Variants in MEF2D observed in about 807,000 individuals in gnomAD.
MEF2D encodes myocyte-specific enhancer factor 2D.
MEF2D carries 10 observed loss-of-function variants against 59.3 expected under a neutral mutation model. That is an observed-to-expected ratio of 0.17 (90% CI 0.10 to 0.29). MEF2D has a LOEUF of 0.29. Among genes scored for constraint, MEF2D ranks in the 10% least tolerant of loss-of-function variants. The pLI is 1.00. For synonymous variants in MEF2D, 305 were observed against 295.0 expected, an observed-to-expected ratio of 1.03 and a Z score of -0.35; for missense variants, 508 against 699.4, an observed-to-expected ratio of 0.73 and a Z score of 3.09.
chr1:156,499,721 G>A (rs933662787), intron 1 of MEF2D, among the ~76,000 whole-genome samples: 2 of 152,058 alleles, frequency 1.3e-5, no homozygotes, highest in Non-Finnish European at 2.9e-5. Flanking sequence ...CCCAGATGTT[G>A]AACAGCTGCA....
chr1:156,481,445 G>C (rs1161321037), intron 3 of MEF2D, among the ~76,000 whole-genome samples: 1 of 152,168 alleles, frequency 6.6e-6, no homozygotes, highest in Non-Finnish European at 1.5e-5. Flanking sequence ...AGGAGGAAGA[G>C]AGAAATAGAG....
At chr1:156,480,710 T>C (rs1671942971) in intron 4 of MEF2D, 124 bp downstream of exon 4, 1 of 1,609,376 alleles carries the variant, frequency 6.2e-7, no homozygotes, top group Non-Finnish European at 8.5e-7. Flanking sequence ...CTCTTCCGTC[T>C]GGGGGGTCAG....
chr1:156,486,199 C>T (rs991213586), intron 1 of MEF2D, among the ~76,000 whole-genome samples: 2 of 152,144 alleles, frequency 1.3e-5, no homozygotes, highest in Non-Finnish European at 2.9e-5. Flanking sequence ...CACCTGAGCC[C>T]CAAACCAGCT....
intron 4 of MEF2D, among the ~76,000 whole-genome samples, 180 bp from the exon 5 acceptor site, chr1:156,479,976 G>T (rs928920300): frequency 3.3e-5 from 5 of 152,160 alleles, no homozygotes; most frequent in Non-Finnish European, 7.4e-5. Context: ...CACCAAGGAA[G>T]AACTTTGGGG....
rs1571248757 is a variant in MEF2D at position 156,483,383 on chromosome 1, G to C, written c.-91C>G. 1 of 1,220,244 alleles carries C rather than the reference G, an allele frequency of 8.2e-7. No individual in the cohort carries two copies. The highest frequency in any genetic ancestry group is 1.2e-6 in the Non-Finnish European group (1 of 823,398). 75.6% of individuals were successfully genotyped at this position (1,220,244 alleles called of 1,614,324 possible). Reference sequence around the variant, plus strand: ...TTACACTGTGCTCATGAACGGTCTGGGAACAGTGCTCAGTTCATGGTCTGC... The same window carrying C: ...TTACACTGTGCTCATGAACGGTCTGCGAACAGTGCTCAGTTCATGGTCTGC... On this transcript the variant is annotated 5_prime_UTR_variant, in exon 2 of 12. Coordinates refer to ENST00000348159, the MANE Select transcript of MEF2D (RefSeq NM_005920.4).
At chr1:156,475,030 G>T in intron 9 of MEF2D, 78 bp downstream of exon 9, 2 of 1,604,638 alleles carry the variant, frequency 1.2e-6, no homozygotes. Context: ...CTGTCCAGGG[G>T]ATAACTAGCA....
In MEF2D at chr1:156,464,320, T is replaced by G. The variant is rs897825708; in HGVS notation, c.*3325A>C. On this transcript the variant is annotated 3_prime_UTR_variant, in exon 12 of 12. Coordinates refer to ENST00000348159, the MANE Select transcript of MEF2D (RefSeq NM_005920.4). ...TCTGTCTCTCCAAACAAATAAATAA[T>G]CAGCAAGAGAAGGTGCATTACTTCC... 3.4e-5 allele frequency: 5 copies of G among 146,484 alleles called. No homozygotes were observed. The highest frequency in any genetic ancestry group is 7.6e-5 in the Non-Finnish European group (5 of 66,106). 9.1% of individuals were successfully genotyped at this position (146,484 alleles called of 1,614,324 possible).
intron 1 of MEF2D, among the ~76,000 whole-genome samples, chr1:156,500,262 CCACTT>C (rs1341369162): frequency 6.6e-6 from 1 of 152,156 alleles, no homozygotes; most frequent in Non-Finnish European, 1.5e-5. Flanking sequence ...GCAGCCCACT[CCACTT>C]GTCCCCCACG....
At chr1:156,495,395 A>G (rs917363738) in intron 1 of MEF2D, among the ~76,000 whole-genome samples, 16 of 152,328 alleles carry the variant, frequency 1.1e-4, no homozygotes, top group African/African-American at 3.8e-4. Context: ...TTAGAGAGAA[A>G]CAGTCTTCTT....
chr1:156,472,266 T>C (rs954720913), intron 9 of MEF2D, among the ~76,000 whole-genome samples: 3 of 152,224 alleles, frequency 2.0e-5, no homozygotes, highest in African/African-American at 7.2e-5. Flanking sequence ...AAAAGCCTCA[T>C]AGACCTCCTG....
Position 156,492,000 on chromosome 1 carries a change from A to C in MEF2D, c.-139+8486T>G, listed in dbSNP as rs59745365. ...TGATACAGTATAGAGCTCTCAGTCC[A>C]ACTGGGTCCCCTACTCTTGTCTAGG... is the stretch of plus-strand genomic sequence containing the variant. On this transcript the variant is annotated intron_variant, in intron 1 of 11. Transcript: ENST00000348159. 5.0e-3 allele frequency among the ~76,000 whole-genome samples: 765 copies of C among 152,354 alleles called. 7 individuals carry two copies. Among genetic ancestry groups the C allele is most frequent in the African/African-American group, 0.018 (745 of 41,590 alleles).
In MEF2D at chr1:156,486,376, C is replaced by CA. The variant is rs1672360155; in HGVS notation, c.-138-2947dup. ...GGCAGGGAAGGTAGGGGAGGGCACA[C>CA]AGAGGGCAAGGGGAGGGGGCTACAA... On this transcript the variant is annotated intron_variant, in intron 1 of 11. Coordinates refer to ENST00000348159, the MANE Select transcript of MEF2D (RefSeq NM_005920.4). Among the ~76,000 whole-genome samples, 5 of 152,210 alleles carry CA rather than the reference C, an allele frequency of 3.3e-5. No homozygotes were observed. In the South Asian group the frequency reaches 1.0e-3, roughly 31 times the overall value.
chr1:156,494,142 C>T (rs1023363057), intron 1 of MEF2D, among the ~76,000 whole-genome samples: 2 of 152,132 alleles, frequency 1.3e-5, no homozygotes, highest in African/African-American at 4.8e-5. Context: ...ACAATACACA[C>T]ATGCTTTAAA....
chr1:156,498,420 G>A lies in MEF2D; in HGVS notation c.-139+2066C>T, dbSNP rs552056346. Among the ~76,000 whole-genome samples, 8 of 152,292 alleles carry A rather than the reference G, an allele frequency of 5.3e-5. No individual in the cohort carries two copies. In the South Asian group the frequency reaches 1.7e-3, roughly 32 times the overall value. On this transcript the variant is annotated intron_variant, in intron 1 of 11. Coordinates refer to ENST00000348159, the MANE Select transcript of MEF2D (RefSeq NM_005920.4). ...GTCCTGCTTCTTCCCTTGGACTGGG[G>A]CTTCCATGAACACGGACTGTATGTC...
intron 6 of MEF2D, among the ~76,000 whole-genome samples, 174 bp from the exon 7 acceptor site, chr1:156,477,376 T>C (rs1671686072): frequency 6.6e-6 from 1 of 152,124 alleles, no homozygotes; most frequent in African/African-American, 2.4e-5. Flanking sequence ...TTGAGAATAA[T>C]GGGAGGCAAG....
Position 156,475,175 on chromosome 1 carries a change from A to C in MEF2D, c.939T>G (p.Ser313=). 1.9e-6 allele frequency: 3 copies of C among 1,614,244 alleles called. No individual in the cohort carries two copies. The African/African-American group carries it at 4.0e-5, about 21-fold the overall frequency. The change falls in exon 9 of 12, where the codon TCT becomes TCG. Residue 313 remains serine, a synonymous_variant. Transcript: ENST00000348159. ...GGCTGAGTAAACTCGGCGTTGCCAC[A>C]GAAACCACTGGGGTGGTGAGCGAAT... is the stretch of plus-strand genomic sequence containing the variant. ...STHSLTTPVV[S]VATPSLLSQG... is the part of the protein sequence containing the mutation.
intron 9 of MEF2D, among the ~76,000 whole-genome samples, chr1:156,472,943 C>A (rs1481431140): frequency 2.6e-5 from 4 of 152,114 alleles, no homozygotes; most frequent in Non-Finnish European, 5.9e-5. Context: ...ATCTCCTGAC[C>A]TCGTGATCCG....
intron 9 of MEF2D, 42 bp downstream of exon 9, chr1:156,475,066 C>G (rs762442227): frequency 1.9e-6 from 3 of 1,613,062 alleles, no homozygotes; most frequent in Non-Finnish European, 2.5e-6. Flanking sequence ...TTGCCTGCCC[C>G]AAGCCCAAGT....
chr1:156,485,489 C>A (rs1672292690), intron 1 of MEF2D, among the ~76,000 whole-genome samples: 1 of 149,666 alleles, frequency 6.7e-6, no homozygotes, highest in Non-Finnish European at 1.5e-5. Flanking sequence ...AAATGCATTG[C>A]GCTTCAAACG....
Sources: allele counts gnomAD v4.1 joint callset (sites outside exome capture counted in the v4.1 genomes callset), GRCh38; gene constraint gnomAD v4.1.1; transcripts MANE v1.5; gene names NCBI Gene and HGNC (gene_info 2026-07-23, HGNC 2026-07-21).